Variants in SGCD observed in about 807,000 individuals in gnomAD.
SGCD encodes the protein delta-sarcoglycan.
In SGCD, 18 loss-of-function variants were observed where a neutral mutation model predicts 36.6. The observed-to-expected ratio is 0.49, with a 90% CI of 0.34 to 0.73. The LOEUF (loss-of-function observed/expected upper bound fraction) is 0.73. Ranked by LOEUF, SGCD falls within the 30% of genes least tolerant of loss-of-function variation. The probability of loss-of-function intolerance (pLI) is 0.01; values close to 1 mark genes in which losing one functional copy is unlikely to be tolerated. For synonymous variants in SGCD, 133 were observed against 130.6 expected (o/e 1.02, Z -0.12); for missense variants, 387 against 346.7 (o/e 1.12, Z -0.92).
At chr5:156,643,388 C>T (rs189680449) in intron 6 of SGCD, among the ~76,000 whole-genome samples, 12 of 152,068 alleles carry the variant, frequency 7.9e-5, no homozygotes, top group East Asian at 1.9e-4. Flanking sequence ...TATATTATAC[C>T]GTGAGCTTCT....
intron 3 of SGCD, among the ~76,000 whole-genome samples, chr5:156,243,540 T>G (rs905779106): frequency 6.6e-6 from 1 of 152,232 alleles, no homozygotes; most frequent in African/African-American, 2.4e-5. Context: ...AAATTTGTTA[T>G]GTTTTATATA....
At chr5:155,983,956 C>T (rs977758004) in intron 1 of SGCD, among the ~76,000 whole-genome samples, 13 of 152,130 alleles carry the variant, frequency 8.5e-5, no homozygotes, top group Non-Finnish European at 1.6e-4. Flanking sequence ...TAAGTGCATC[C>T]GTGGATGAAA....
chr5:156,385,426 G>A (rs1197796483), intron 3 of SGCD, among the ~76,000 whole-genome samples: 1 of 152,162 alleles, frequency 6.6e-6, no homozygotes, highest in African/African-American at 2.4e-5. Flanking sequence ...AAACAGGGTG[G>A]GGGAAGCAAC....
the SGCD span, among the ~76,000 whole-genome samples, chr5:155,765,439 A>ACCGTC: frequency 2.5e-5 from 1 of 40,270 alleles, no homozygotes; most frequent in Non-Finnish European, 4.6e-5. Flanking sequence ...GGGAGGAGGG[A>ACCGTC]GGGTGGGAGG....
At chr5:155,808,522 G>A in the SGCD span, among the ~76,000 whole-genome samples, 70 of 152,272 alleles carry the variant, frequency 4.6e-4, no homozygotes, top group African/African-American at 1.6e-3. Flanking sequence ...TCTCTGTCCC[G>A]TATTTTTTCC....
At chr5:156,274,472 A>G (rs113129073) in intron 3 of SGCD, among the ~76,000 whole-genome samples, 4 of 150,224 alleles carry the variant, frequency 2.7e-5, no homozygotes, top group Non-Finnish European at 4.4e-5. Flanking sequence ...TCATTTTTTA[A>G]AAAATTTTAG....
chr5:155,819,284 T>C, the SGCD span, among the ~76,000 whole-genome samples: 1 of 152,188 alleles, frequency 6.6e-6, no homozygotes, highest in Admixed American at 6.5e-5. Flanking sequence ...TCTTTGTATT[T>C]TAGCTTTTAA....
chr5:156,593,365 G>T (rs558746481), intron 5 of SGCD, among the ~76,000 whole-genome samples: 13 of 152,256 alleles, frequency 8.5e-5, no homozygotes, highest in African/African-American at 2.2e-4. Flanking sequence ...AGGCTGTTCA[G>T]TGGCCATGAT....
intron 3 of SGCD, among the ~76,000 whole-genome samples, chr5:156,429,909 C>T (rs1390473608): frequency 6.6e-6 from 1 of 152,024 alleles, no homozygotes. Flanking sequence ...ATAGGTTTTC[C>T]TTTGTAGGTT....
At chr5:155,886,820 A>C (rs1242974156) in intron 1 of SGCD, among the ~76,000 whole-genome samples, 1 of 152,216 alleles carries the variant, frequency 6.6e-6, no homozygotes, top group African/African-American at 2.4e-5. Context: ...GCCCAGGGGC[A>C]AAAATCACTC....
chr5:155,799,397 T>G, the SGCD span, among the ~76,000 whole-genome samples: 1 of 115,086 alleles, frequency 8.7e-6, no homozygotes, highest in Non-Finnish European at 1.6e-5. Flanking sequence ...AATGACTTTA[T>G]TTTTTTTTTT....
At chr5:155,943,064 C>A (rs925946729) in intron 1 of SGCD, among the ~76,000 whole-genome samples, 1 of 152,164 alleles carries the variant, frequency 6.6e-6, no homozygotes, top group Non-Finnish European at 1.5e-5. Context: ...GAGTTGAGGA[C>A]AAAGTCCAGG....
At chr5:156,476,020 T>C (rs1247606379) in intron 3 of SGCD, among the ~76,000 whole-genome samples, 1 of 152,230 alleles carries the variant, frequency 6.6e-6, no homozygotes, top group Non-Finnish European at 1.5e-5. Context: ...TGACTTGCCG[T>C]GGCTGAGGGT....
At chr5:156,284,422 A>C (rs1243842472) in intron 3 of SGCD, among the ~76,000 whole-genome samples, 1 of 152,238 alleles carries the variant, frequency 6.6e-6, no homozygotes, top group African/African-American at 2.4e-5. Flanking sequence ...AAAAATCCTC[A>C]ATAGAATACT....
In SGCD at chr5:156,761,288, G is replaced by A. The variant is rs1208907780; in HGVS notation, c.*1898G>A. On this transcript the variant is annotated 3_prime_UTR_variant, in exon 9 of 9. Transcript: ENST00000337851. The stretch of plus-strand genomic sequence containing the variant: ...CGTGGGTCCTAGCCTGGCCAGTGAT[G>A]CTGCTGGCGTCCAGACCCCAGACTC... 6.6e-6 allele frequency: 1 copy of A among 152,224 alleles called. No homozygotes were observed. Among genetic ancestry groups the A allele is most frequent in the African/African-American group, 2.4e-5 (1 of 41,438 alleles). The allele number at this position is 152,224 out of a possible 1,614,324, so 9.4% of individuals were successfully genotyped here. A position where few individuals can be genotyped will look rare whatever the true frequency, so the allele number is the denominator to read the frequency against.
intron 3 of SGCD, among the ~76,000 whole-genome samples, chr5:156,444,795 T>C (rs1753688761): frequency 6.6e-6 from 1 of 152,134 alleles, no homozygotes; most frequent in Admixed American, 6.6e-5. Flanking sequence ...ACATCAACAT[T>C]TTTAAGCTTA....
the SGCD span, among the ~76,000 whole-genome samples, chr5:155,766,240 A>G: frequency 6.6e-6 from 1 of 152,154 alleles, no homozygotes; most frequent in African/African-American, 2.4e-5. Flanking sequence ...ACATACATTC[A>G]TCCCTCTTAC....
chr5:156,410,000 A>G (rs558101603), intron 3 of SGCD, among the ~76,000 whole-genome samples: 1 of 152,328 alleles, frequency 6.6e-6, no homozygotes, highest in South Asian at 2.1e-4. Context: ...TACCACAAGA[A>G]TACGGGCTTT....
At chr5:156,073,823 T>G (rs1052207488) in intron 1 of SGCD, among the ~76,000 whole-genome samples, 37 of 152,192 alleles carry the variant, frequency 2.4e-4, no homozygotes, top group African/African-American at 8.9e-4. Flanking sequence ...TCATAACCCA[T>G]TATTTGAAAG....
Sources: allele counts gnomAD v4.1 joint callset (sites outside exome capture counted in the v4.1 genomes callset), GRCh38; gene constraint gnomAD v4.1.1; transcripts MANE v1.5; gene names NCBI Gene and HGNC (gene_info 2026-07-23, HGNC 2026-07-21).